The following SLC14A2 variants were observed in gnomAD, a reference collection of about 807,000 sequenced individuals.
The protein encoded by SLC14A2 is urea transporter 2.
Under a neutral mutation model 104.6 loss-of-function variants are expected in SLC14A2, and 91 were observed. That is an observed-to-expected ratio of 0.87 (90% CI 0.73 to 1.04). SLC14A2 has a LOEUF of 1.04. Among genes scored for constraint, SLC14A2 ranks in the 50% least tolerant of loss-of-function variants. The pLI is 0.00. For synonymous variants in SLC14A2, 476 were observed against 466.4 expected, an observed-to-expected ratio of 1.02 and a Z score of -0.27; for missense variants, 1,189 against 1,156.0, an observed-to-expected ratio of 1.03 and a Z score of -0.41.
chr18:45,173,455 G>C, the SLC14A2 span, among the ~76,000 whole-genome samples: 872 of 150,160 alleles, frequency 5.8e-3, 13 homozygotes, highest in African/African-American at 0.02. Flanking sequence ...GAGATTGCCT[G>C]AAAATTTCTC....
intron 1 of SLC14A2, among the ~76,000 whole-genome samples, chr18:45,458,450 G>A (rs1354648581): frequency 3.3e-5 from 5 of 152,250 alleles, no homozygotes; most frequent in South Asian, 4.1e-4. Context: ...GTAACACTCA[G>A]GGAAAGAAGT....
chr18:45,578,017 C>G (rs958711405), intron 2 of SLC14A2, among the ~76,000 whole-genome samples: 3 of 152,136 alleles, frequency 2.0e-5, no homozygotes, highest in African/African-American at 7.2e-5. Flanking sequence ...TTCCAAGGCC[C>G]TAAAATTTCT....
chr18:45,488,544 G>T lies in SLC14A2; in HGVS notation c.-35+5222G>T, dbSNP rs953612789. 2.6e-5 allele frequency among the ~76,000 whole-genome samples: 4 copies of T among 152,330 alleles called. No individual in the cohort carries two copies. The East Asian group carries it at 7.7e-4, about 29-fold the overall frequency. ...GAACTGAGGAAAGGGTAAGAACTTA[G>T]TGGGGAAAAGGGCATTCTGTGTTAC... On this transcript the variant is annotated intron_variant, in intron 2 of 20. Coordinates refer to the SLC14A2 transcript ENST00000586448.
rs977516376 is a variant in SLC14A2, at chr18:45,624,672, A to T, written c.8A>T (p.Asp3Val). Residue 3 changes from aspartate (D) to valine (V), a missense_variant, in exon 2 of 20, where the codon GAC (aspartate) becomes GTC (valine). Physicochemically the swap from Asp to Val is radical, Grantham distance 152. Transcript: ENST00000255226. The stretch of plus-strand genomic sequence containing the variant: ...TGGCTGTGACCCGAAGGAATGTCTG[A>T]CCCCCACAGCAGTCCTCTCCTGCCA... MS[D>V]PHSSPLLPEP... is the part of the protein sequence containing the mutation. 3.7e-6 allele frequency: 6 copies of T among 1,609,208 alleles called. No individual in the cohort carries two copies. In the African/African-American group the frequency reaches 5.4e-5, roughly 14 times the overall value.
intron 1 of SLC14A2, among the ~76,000 whole-genome samples, chr18:45,381,618 C>G (rs766094119): frequency 8.5e-5 from 13 of 152,146 alleles, no homozygotes; most frequent in Non-Finnish European, 8.8e-5. Flanking sequence ...ATTATATGGA[C>G]TATAAGCTCC....
chr18:45,302,604 A>ATTCT (rs1173776950), intron 1 of SLC14A2, among the ~76,000 whole-genome samples: 2 of 152,104 alleles, frequency 1.3e-5, no homozygotes, highest in African/African-American at 2.4e-5. Flanking sequence ...TTAGTCATCT[A>ATTCT]TTCTTTGTAT....
intron 2 of SLC14A2, among the ~76,000 whole-genome samples, chr18:45,609,437 C>A (rs1409750952): frequency 1.3e-5 from 2 of 152,206 alleles, no homozygotes; most frequent in African/African-American, 4.8e-5. Flanking sequence ...TATGTCTTTT[C>A]TTCTTTGGTA....
chr18:45,205,666 C>T, the SLC14A2 span, among the ~76,000 whole-genome samples: 442 of 152,286 alleles, frequency 2.9e-3, 1 homozygote, highest in African/African-American at 9.9e-3. Context: ...AGCAAACCAA[C>T]CTAGTGGGTT....
the SLC14A2 span, among the ~76,000 whole-genome samples, chr18:45,186,270 C>T: frequency 2.6e-5 from 4 of 152,130 alleles, no homozygotes; most frequent in East Asian, 1.9e-4. Context: ...TAAAGATAGA[C>T]ATCAGGTCAA....
intron 2 of SLC14A2, among the ~76,000 whole-genome samples, chr18:45,606,978 G>C (rs1335664368): frequency 6.6e-6 from 1 of 152,130 alleles, no homozygotes; most frequent in African/African-American, 2.4e-5. Context: ...CATCCTCAAG[G>C]CTACAGACAT....
intron 2 of SLC14A2, among the ~76,000 whole-genome samples, chr18:45,498,656 C>T (rs537318137): frequency 9.9e-5 from 15 of 152,284 alleles, no homozygotes; most frequent in African/African-American, 3.6e-4. Context: ...GGATTCATCT[C>T]CTCCTGTCTC....
At chr18:45,216,609 C>A (rs145286710) in intron 1 of SLC14A2, among the ~76,000 whole-genome samples, 2 of 152,174 alleles carry the variant, frequency 1.3e-5, no homozygotes, top group Non-Finnish European at 2.9e-5. Context: ...ACCCCACTTT[C>A]TGCGGTATAT....
intron 2 of SLC14A2, among the ~76,000 whole-genome samples, chr18:45,594,447 A>G (rs937963852): frequency 7.2e-5 from 11 of 152,184 alleles, no homozygotes; most frequent in Non-Finnish European, 1.5e-4. Flanking sequence ...GTGAACTTCA[A>G]TGATCACCTG....
chr18:45,528,427 G>A (rs1307512019), intron 2 of SLC14A2: 3 of 152,126 alleles, frequency 2.0e-5, no homozygotes, highest in Non-Finnish European at 4.4e-5. Flanking sequence ...CACTTTACCT[G>A]GACTAAAGAC....
intron 1 of SLC14A2, chr18:45,423,663 A>T (rs186248576): frequency 4.0e-5 from 6 of 151,886 alleles, no homozygotes; most frequent in Admixed American, 2.0e-4. Context: ...AGTCACAAAT[A>T]AAAAAAAATC....
the SLC14A2 span, among the ~76,000 whole-genome samples, chr18:45,192,157 T>G: frequency 6.6e-6 from 1 of 152,198 alleles, no homozygotes; most frequent in South Asian, 2.1e-4. Flanking sequence ...AATAGTGAAA[T>G]TTACTCTCTC....
chr18:45,296,740 G>A (rs774528793), intron 1 of SLC14A2, among the ~76,000 whole-genome samples: 6 of 152,284 alleles, frequency 3.9e-5, no homozygotes, highest in Middle Eastern at 3.4e-3. Flanking sequence ...GGCTTGTTTC[G>A]GAAGAGCAGT....
chr18:45,627,241 C>T (rs143574279), intron 4 of SLC14A2, 94 bp downstream of exon 4: 589 of 1,136,652 alleles, frequency 5.2e-4, no homozygotes, highest in Non-Finnish European at 7.4e-4. Flanking sequence ...ACCCTCCCAG[C>T]CAGCCAAAGT....
At chr18:45,427,749 C>T (rs527580784) in intron 1 of SLC14A2, among the ~76,000 whole-genome samples, 28 of 152,164 alleles carry the variant, frequency 1.8e-4, no homozygotes, top group Non-Finnish European at 3.7e-4. Flanking sequence ...TGGGAAGAAA[C>T]GGATGTGAGG....
Sources: gnomAD v4.1 joint callset for allele counts (sites outside exome capture counted in the v4.1 genomes callset) on GRCh38, gnomAD v4.1.1 for gene constraint, MANE v1.5 for transcripts, NCBI Gene and HGNC (gene_info 2026-07-23, HGNC 2026-07-21) for gene names.